The following MAGI1 variants were observed in gnomAD, a reference collection of about 807,000 sequenced individuals.
MAGI1 encodes membrane associated guanylate kinase, WW and PDZ domain containing 1.
In MAGI1, 58 loss-of-function variants were observed where a neutral mutation model predicts 139.9. The observed-to-expected ratio is 0.41, with a 90% CI of 0.34 to 0.52. The LOEUF (loss-of-function observed/expected upper bound fraction) is 0.52. Ranked by LOEUF, MAGI1 falls within the 20% of genes least tolerant of loss-of-function variation. The pLI, the probability that MAGI1 is intolerant of heterozygous loss-of-function variation, is 0.12. For missense variants in MAGI1, 1,874 were observed against 1,901.6 expected (o/e 0.99, Z 0.27); for synonymous variants, 812 against 737.9 (o/e 1.10, Z -1.63).
At chr3:65,679,996 G>A (rs1213507794) in intron 1 of MAGI1, among the ~76,000 whole-genome samples, 1 of 152,158 alleles carries the variant, frequency 6.6e-6, no homozygotes, top group African/African-American at 2.4e-5. Context: ...GTGGGATGAA[G>A]GCATACAGGG....
chr3:65,549,409 T>C, intron 2 of MAGI1: 3 of 984,778 alleles, frequency 3.0e-6, no homozygotes, highest in Non-Finnish European at 3.6e-6. Flanking sequence ...AACCGTTACC[T>C]GCGGGCCCCG....
intron 2 of MAGI1, among the ~76,000 whole-genome samples, chr3:65,570,164 G>A (rs1194879402): frequency 2.0e-5 from 3 of 150,588 alleles, no homozygotes; most frequent in African/African-American, 4.9e-5. Context: ...GTACAGTGGT[G>A]CGATCTTGGC....
intron 1 of MAGI1, among the ~76,000 whole-genome samples, chr3:65,676,341 T>TA (rs1163876741): frequency 6.6e-6 from 1 of 152,206 alleles, no homozygotes; most frequent in Non-Finnish European, 1.5e-5. Context: ...TGTCTCTATT[T>TA]AAACAGCATG....
At chr3:65,902,763 G>C (rs535057953) in intron 1 of MAGI1, 2 of 152,862 alleles carry the variant, frequency 1.3e-5, no homozygotes, top group East Asian at 3.9e-4. Context: ...CAGGACACAC[G>C]CCATTACCTC....
intron 12 of MAGI1, among the ~76,000 whole-genome samples, chr3:65,404,341 T>C (rs139809008): frequency 5.3e-5 from 8 of 152,276 alleles, no homozygotes; most frequent in African/African-American, 1.7e-4. Flanking sequence ...TCTGAGGAAG[T>C]AGTCCATGGA....
chr3:65,596,174 C>G (rs1322417347), intron 2 of MAGI1, among the ~76,000 whole-genome samples: 2 of 152,152 alleles, frequency 1.3e-5, no homozygotes, highest in East Asian at 3.9e-4. Context: ...TGATAAAAGA[C>G]AAGCTTTTCT....
At chr3:65,642,438 C>G (rs1479176512) in intron 1 of MAGI1, among the ~76,000 whole-genome samples, 2 of 152,154 alleles carry the variant, frequency 1.3e-5, no homozygotes, top group Non-Finnish European at 2.9e-5. Flanking sequence ...AATTTTACAT[C>G]AGCAAACCAA....
At chr3:65,639,161 T>C (rs915256422) in intron 1 of MAGI1, among the ~76,000 whole-genome samples, 5 of 152,192 alleles carry the variant, frequency 3.3e-5, no homozygotes, top group African/African-American at 1.2e-4. Context: ...TCAGTGTATA[T>C]TGGTTGTCTT....
intron 1 of MAGI1, among the ~76,000 whole-genome samples, chr3:65,917,948 G>A (rs2061983840): frequency 6.6e-6 from 1 of 152,180 alleles, no homozygotes; most frequent in Non-Finnish European, 1.5e-5. Flanking sequence ...ATGTGTCAAT[G>A]TAGGTTCATC....
At chr3:65,884,419 T>C (rs527758483) in intron 1 of MAGI1, among the ~76,000 whole-genome samples, 1 of 152,168 alleles carries the variant, frequency 6.6e-6, no homozygotes, top group East Asian at 1.9e-4. Flanking sequence ...ACACACAAGA[T>C]AGGTGAACAA....
intron 1 of MAGI1, among the ~76,000 whole-genome samples, chr3:65,722,971 T>TAAAA (rs151181033): frequency 7.4e-6 from 1 of 135,094 alleles, no homozygotes; most frequent in African/African-American, 2.7e-5. Flanking sequence ...TCTGTTGTAG[T>TAAAA]AAAAAAAAAA....
At chr3:66,009,071 A>G (rs6809559) in intron 1 of MAGI1, 25,411 of 152,364 alleles carry the variant, frequency 0.17, 3,006 homozygotes, top group African/African-American at 0.33. Context: ...CCAACCCCAC[A>G]AGACAAACTG....
At chr3:65,856,013 A>T (rs2059367613) in intron 1 of MAGI1, among the ~76,000 whole-genome samples, 1 of 152,092 alleles carries the variant, frequency 6.6e-6, no homozygotes, top group South Asian at 2.1e-4. Flanking sequence ...AATTTTCTTG[A>T]TGATGGATGT....
rs762706081 is a variant in MAGI1, at chr3:65,364,682, C to A, written c.3334G>T (p.Ala1112Ser). The stretch of plus-strand genomic sequence containing the variant: ...GTGCTCACCTGTGTTGCTTGGGGTG[C>A]TTTGAACTCAAATTGAGATTCCTGC... ...PKQESQFEFKAPQATQEQDFY... is the reference protein window; with the variant it reads ...PKQESQFEFKSPQATQEQDFY... The change falls in exon 20 of 23, where the codon GCA (alanine) becomes TCA (serine). Residue 1112 changes from alanine (A) to serine (S), a missense_variant. Ala to Ser is a moderately conservative substitution (Grantham distance 99). Transcript: ENST00000402939. The A allele has an allele frequency of 1.2e-6, 2 of 1,613,952 alleles. No homozygotes were observed. The highest frequency in any genetic ancestry group is 1.7e-6 in the Non-Finnish European group (2 of 1,179,958).
chr3:65,943,419 C>CA (rs2063404455), intron 1 of MAGI1, among the ~76,000 whole-genome samples: 2 of 151,524 alleles, frequency 1.3e-5, no homozygotes, highest in Non-Finnish European at 2.9e-5. Flanking sequence ...ACTAAAAATA[C>CA]AAAAAATTAG....
intron 1 of MAGI1, among the ~76,000 whole-genome samples, chr3:65,979,504 G>A (rs1321472301): frequency 1.3e-5 from 2 of 152,174 alleles, no homozygotes; most frequent in Non-Finnish European, 2.9e-5. Context: ...CTTTGGTGAT[G>A]TGCTAGTAAA....
intron 2 of MAGI1, among the ~76,000 whole-genome samples, chr3:65,574,445 T>TA (rs56669559): frequency 0.093 from 10,133 of 108,534 alleles, 730 homozygotes; most frequent in African/African-American, 0.22. Context: ...GCATAGAAAC[T>TA]AAAAAAAAAA....
chr3:65,987,877 T>C (rs935132495), intron 1 of MAGI1, among the ~76,000 whole-genome samples: 4 of 152,172 alleles, frequency 2.6e-5, no homozygotes, highest in Non-Finnish European at 4.4e-5. Context: ...CTACAGTACT[T>C]TTAAAAATAA....
intron 1 of MAGI1, among the ~76,000 whole-genome samples, chr3:65,667,409 C>T (rs1416594737): frequency 1.3e-5 from 2 of 152,158 alleles, no homozygotes; most frequent in Non-Finnish European, 1.5e-5. Flanking sequence ...CTTAATTATA[C>T]TTTCCAAGGC....
Sources: gnomAD v4.1 joint callset for allele counts (sites outside exome capture counted in the v4.1 genomes callset) on GRCh38, gnomAD v4.1.1 for gene constraint, MANE v1.5 for transcripts, NCBI Gene and HGNC (gene_info 2026-07-23, HGNC 2026-07-21) for gene names.